Variants in CFAP77 observed in about 807,000 individuals in gnomAD.
CFAP77 encodes the protein cilia- and flagella-associated protein 77.
In CFAP77, 25 loss-of-function variants were observed where a neutral mutation model predicts 31.1. The observed-to-expected ratio is 0.80, with a 90% CI of 0.59 to 1.12. The LOEUF (loss-of-function observed/expected upper bound fraction) is 1.12. CFAP77 is among the 50% of genes most tolerant of loss of function. The pLI is 0.00. For synonymous variants in CFAP77, 151 were observed against 159.9 expected, an observed-to-expected ratio of 0.94 and a Z score of 0.42; for missense variants, 377 against 397.3, an observed-to-expected ratio of 0.95 and a Z score of 0.44.
rs764418663 is a variant in CFAP77, at chr9:132,572,466, G to A, written c.811G>A (p.Val271Met). 3.2e-5 allele frequency: 52 copies of A among 1,610,636 alleles called. No homozygotes were observed. Among genetic ancestry groups the A allele is most frequent in the South Asian group, 1.6e-4 (15 of 91,058 alleles). Residue 271 changes from valine to methionine, a missense_variant, in exon 6 of 6, where the codon GTG becomes ATG. By Grantham distance (21) the Val-to-Met change is conservative. Coordinates refer to ENST00000393216, the MANE Select transcript of CFAP77 (RefSeq NM_001282957.2). ...AAAAGCCCACCGGGAAGAGTGTGCC[G>A]TGCGCCAGGGGACCCTGCGGATGGG... is the stretch of plus-strand genomic sequence containing the variant. ...ALKAHREECAVRQGTLRMGNY... is the reference protein window; with the variant it reads ...ALKAHREECAMRQGTLRMGNY...
At chr9:132,520,893 G>A (rs534598527) in intron 3 of CFAP77, among the ~76,000 whole-genome samples, 5 of 152,356 alleles carry the variant, frequency 3.3e-5, no homozygotes, top group African/African-American at 1.2e-4. Flanking sequence ...GTGCTGCCTA[G>A]GAGCAGCCCG....
chr9:132,555,731 C>T (rs1032885668), intron 5 of CFAP77, among the ~76,000 whole-genome samples: 2 of 152,250 alleles, frequency 1.3e-5, no homozygotes, highest in South Asian at 2.1e-4. Flanking sequence ...ACGTGCCTCC[C>T]GCCCTTTCCC....
Position 132,554,492 on chromosome 9 carries a change from T to A in CFAP77, c.732+11445T>A, listed in dbSNP as rs904766740. ...TTGGGACTACAGGTGCACACCACCA[T>A]GCCCGGCTAATTTTTTTTATGTTTT... On this transcript the variant is annotated intron_variant, in intron 5 of 5. Transcript: ENST00000393216. The surrounding 1 kb of genome is among the most constrained non-coding windows in gnomAD (Gnocchi z 4.1). 1.3e-5 allele frequency among the ~76,000 whole-genome samples: 2 copies of A among 152,056 alleles called. No homozygotes were observed. The highest frequency in any genetic ancestry group is 1.3e-4 in the Admixed American group (2 of 15,264).
chr9:132,428,601 C>T (rs1471647685), intron 1 of CFAP77, among the ~76,000 whole-genome samples: 5 of 152,036 alleles, frequency 3.3e-5, no homozygotes, highest in Non-Finnish European at 4.4e-5. Flanking sequence ...AGCGACAGAG[C>T]GAGACTCTGT....
rs1851849845 is a variant in CFAP77 at position 132,501,824 on chromosome 9, A to G, written c.524+2224A>G. Among the ~76,000 whole-genome samples, 1 of 152,204 alleles carries G rather than the reference A, an allele frequency of 6.6e-6. No homozygotes were observed. Among genetic ancestry groups the G allele is most frequent in the Non-Finnish European group, 1.5e-5 (1 of 68,036 alleles). On this transcript the variant is annotated intron_variant, in intron 3 of 5. Transcript: ENST00000393216. This position sits in a 1 kb window ranked among gnomAD's most constrained non-coding sequence, Gnocchi z 4.6. ...TCTGAAGCCTGGCTGGCCTGGTCTGATGATGCGCCCTTCCCTGGAGTCAGG... is the reference window on the plus strand; with the variant it reads ...TCTGAAGCCTGGCTGGCCTGGTCTGGTGATGCGCCCTTCCCTGGAGTCAGG...
intron 4 of CFAP77, 108 bp downstream of exon 4, chr9:132,537,814 G>T: frequency 1.3e-6 from 1 of 779,984 alleles, no homozygotes; most frequent in African/African-American, 1.7e-5. Flanking sequence ...TGTCATTGGG[G>T]ATGAGTGGGA....
At chr9:132,479,944 G>C (rs564369280) in intron 1 of CFAP77, among the ~76,000 whole-genome samples, 2 of 152,294 alleles carry the variant, frequency 1.3e-5, no homozygotes, top group African/African-American at 4.8e-5. Flanking sequence ...ACCCAGGTGA[G>C]GCTGGCTCTG....
At chr9:132,416,566 C>T (rs1223318973) in intron 1 of CFAP77, among the ~76,000 whole-genome samples, 1 of 151,652 alleles carries the variant, frequency 6.6e-6, no homozygotes, top group Non-Finnish European at 1.5e-5. Flanking sequence ...TGGTCTCGAA[C>T]TCCTGACCTC....
At chr9:132,549,794 G>A (rs1239514802) in intron 5 of CFAP77, among the ~76,000 whole-genome samples, 1 of 152,124 alleles carries the variant, frequency 6.6e-6, no homozygotes, top group Admixed American at 6.5e-5. Context: ...AGCAGAGATT[G>A]TGCCACTACA....
At chr9:132,436,744 C>T (rs140137078) in intron 1 of CFAP77, among the ~76,000 whole-genome samples, 11 of 152,166 alleles carry the variant, frequency 7.2e-5, no homozygotes, top group East Asian at 1.9e-4. Context: ...GTGATAATTA[C>T]GAACGCTTCA....
chr9:132,419,604 A>C (rs1589838947), intron 1 of CFAP77, among the ~76,000 whole-genome samples: 1 of 152,382 alleles, frequency 6.6e-6, no homozygotes, highest in Non-Finnish European at 1.5e-5. Flanking sequence ...AAATGCCATC[A>C]TAATATTCCC....
In CFAP77 at chr9:132,410,292, C is replaced by CG; in HGVS notation, c.23dup (p.Asp10GlyfsTer58). On this transcript the variant is annotated frameshift_variant, in exon 1 of 6. Coordinates refer to ENST00000393216, the MANE Select transcript of CFAP77 (RefSeq NM_001282957.2). LOFTEE classifies it high-confidence loss of function. ...CAAGGATGCCAGAGGCCAGGAGCTC[C>CG]GGCCCGGACCTCACGCGATGGAGGA... The CG allele has an allele frequency of 6.3e-7, 1 of 1,583,798 alleles. No homozygotes were observed. The highest frequency in any genetic ancestry group is 2.4e-5 in the East Asian group (1 of 41,916).
At chr9:132,473,863 A>G (rs1851303720) in intron 1 of CFAP77, among the ~76,000 whole-genome samples, 1 of 152,102 alleles carries the variant, frequency 6.6e-6, no homozygotes, top group Admixed American at 6.5e-5. Flanking sequence ...TTGTATTTTT[A>G]GTAGAGACAG....
chr9:132,517,063 G>A lies in CFAP77; in HGVS notation c.524+17463G>A, dbSNP rs753270020. Among the ~76,000 whole-genome samples the A allele has an allele frequency of 3.9e-5, 6 of 152,136 alleles. No homozygotes were observed. The highest frequency in any genetic ancestry group is 9.7e-5 in the African/African-American group (4 of 41,422). ...AGGGCGGTCTTCAGAAACCCCATCC[G>A]GCAGGTGGAGAGGGTGGATCTCCCT... On this transcript the variant is annotated intron_variant, in intron 3 of 5. Coordinates refer to ENST00000393216, the MANE Select transcript of CFAP77 (RefSeq NM_001282957.2). This position sits in a 1 kb window ranked among gnomAD's most constrained non-coding sequence, Gnocchi z 4.7.
At chr9:132,492,006 T>C (rs1851660798) in intron 1 of CFAP77, among the ~76,000 whole-genome samples, 1 of 152,242 alleles carries the variant, frequency 6.6e-6, no homozygotes, top group African/African-American at 2.4e-5. Flanking sequence ...AGTAGACTTT[T>C]GCCAGGCACA....
chr9:132,472,185 CT>C (rs1851271872), intron 1 of CFAP77, among the ~76,000 whole-genome samples: 1 of 152,158 alleles, frequency 6.6e-6, no homozygotes. Flanking sequence ...GTGTCTCTCA[CT>C]TCAATATTCC....
At chr9:132,475,402 G>A (rs563915311) in intron 1 of CFAP77, among the ~76,000 whole-genome samples, 1 of 152,290 alleles carries the variant, frequency 6.6e-6, no homozygotes, top group African/African-American at 2.4e-5. Flanking sequence ...CCTTCGCTAA[G>A]GCTGGTCTGC....
chr9:132,549,846 A>AAAC (rs899352779), intron 5 of CFAP77, among the ~76,000 whole-genome samples: 2 of 151,664 alleles, frequency 1.3e-5, no homozygotes, highest in Non-Finnish European at 2.9e-5. Flanking sequence ...CTGAAAAAAC[A>AAAC]AACAAACAAA....
At chr9:132,525,022 ATT>A (rs77344020) in intron 3 of CFAP77, among the ~76,000 whole-genome samples, 71 of 133,986 alleles carry the variant, frequency 5.3e-4, no homozygotes, top group East Asian at 1.8e-3. Flanking sequence ...TGTGATAGTA[ATT>A]TTTTTTTTTT....
Sources: allele counts gnomAD v4.1 joint callset (sites outside exome capture counted in the v4.1 genomes callset), GRCh38; gene constraint gnomAD v4.1.1; non-coding constraint Gnocchi (gnomAD v3.1); transcripts MANE v1.5; gene names NCBI Gene and HGNC (gene_info 2026-07-23, HGNC 2026-07-21).